FKTN: variants seen among roughly 807,000 people sequenced by gnomAD.
FKTN encodes ribitol-5-phosphate transferase FKTN.
Under a neutral mutation model 58.6 loss-of-function variants are expected in FKTN, and 47 were observed. That is an observed-to-expected ratio of 0.80 (90% CI 0.63 to 1.02). The LOEUF is 1.02. Among genes scored for constraint, FKTN ranks in the 50% least tolerant of loss-of-function variants. The pLI is 0.00. For missense variants in FKTN, 516 were observed against 537.3 expected, an observed-to-expected ratio of 0.96 and a Z score of 0.39; for synonymous variants, 178 against 191.9, an observed-to-expected ratio of 0.93 and a Z score of 0.60.
chr9:105,623,658 T>G (rs1832333926), intron 10 of FKTN, among the ~76,000 whole-genome samples: 1 of 152,138 alleles, frequency 6.6e-6, no homozygotes, highest in South Asian at 2.1e-4. Flanking sequence ...CCTGTGTAAT[T>G]TATCACTTCA....
At chr9:105,615,936 T>TA (rs1830728105) in intron 8 of FKTN, among the ~76,000 whole-genome samples, 1 of 152,216 alleles carries the variant, frequency 6.6e-6, no homozygotes, top group South Asian at 2.1e-4. Context: ...TTATTCTTCT[T>TA]ACGATGGTGT....
chr9:105,593,386 C>T (rs546556483), intron 3 of FKTN, among the ~76,000 whole-genome samples: 1 of 152,274 alleles, frequency 6.6e-6, no homozygotes, highest in East Asian at 1.9e-4. Flanking sequence ...GTACTGCCTC[C>T]AACACTGGGG....
chr9:105,587,126 TTGTATTAGGCAC>T (rs1249801061), intron 3 of FKTN, among the ~76,000 whole-genome samples: 1 of 152,110 alleles, frequency 6.6e-6, no homozygotes, highest in African/African-American at 2.4e-5. Flanking sequence ...TGAACTATGT[TTGTATTAGGCAC>T]TGAGTGATCC....
intron 3 of FKTN, among the ~76,000 whole-genome samples, chr9:105,584,840 A>G (rs1843629687): frequency 6.6e-6 from 1 of 151,816 alleles, no homozygotes; most frequent in African/African-American, 2.4e-5. Flanking sequence ...TTTTTAACAT[A>G]TGGAAATTAT....
chr9:105,635,155 C>A lies in FKTN; in HGVS notation c.1277C>A (p.Thr426Asn). The A allele has an allele frequency of 6.2e-7, 1 of 1,614,106 alleles. No individual in the cohort carries two copies. Among genetic ancestry groups the A allele is most frequent in the Non-Finnish European group, 8.5e-7 (1 of 1,179,976 alleles). ...LEYIEANYGK[T>N]WKIPVKTWDW... ...TACATTGAAGCCAACTATGGTAAGA[C>A]CTGGAAGATTCCTGTAAAGACGTGG... Residue 426 changes from threonine (T) to asparagine (N), a missense_variant, in exon 11 of 11, where the codon ACC (threonine) becomes AAC (asparagine). Thr to Asn is a moderately conservative substitution (Grantham distance 65, BLOSUM62 0). Transcript: ENST00000357998.
chr9:105,596,148 A>G (rs546776200), intron 3 of FKTN, among the ~76,000 whole-genome samples: 11 of 152,326 alleles, frequency 7.2e-5, no homozygotes, highest in Admixed American at 5.2e-4. Flanking sequence ...ATGAGTATAC[A>G]TAATTGATAT....
At chr9:105,560,246 A>G (rs1230592767) in intron 1 of FKTN, among the ~76,000 whole-genome samples, 2 of 152,216 alleles carry the variant, frequency 1.3e-5, no homozygotes, top group East Asian at 3.8e-4. Context: ...AGCCCTTAGC[A>G]TCTACATCAG....
At chr9:105,593,246 G>A (rs1052278530) in intron 3 of FKTN, among the ~76,000 whole-genome samples, 3 of 152,084 alleles carry the variant, frequency 2.0e-5, no homozygotes, top group African/African-American at 7.2e-5. Context: ...GAGGGAGGAG[G>A]TGCTACAGTC....
chr9:105,585,478 T>C (rs550557090), intron 3 of FKTN, among the ~76,000 whole-genome samples: 8 of 152,322 alleles, frequency 5.3e-5, no homozygotes, highest in African/African-American at 1.9e-4. Flanking sequence ...ATAGTTAGAC[T>C]AATTAGATGC....
At chr9:105,562,734 C>G (rs534566715) in intron 1 of FKTN, among the ~76,000 whole-genome samples, 1 of 152,286 alleles carries the variant, frequency 6.6e-6, no homozygotes, top group African/African-American at 2.4e-5. Context: ...TGACCAAGGA[C>G]AGATTGGAGG....
chr9:105,633,644 C>G (rs960861211), intron 10 of FKTN, among the ~76,000 whole-genome samples: 6 of 152,188 alleles, frequency 3.9e-5, no homozygotes, highest in African/African-American at 7.2e-5. Context: ...TGAGATTTTC[C>G]GTGGCCACCT....
chr9:105,599,058 T>A (rs1470533807), intron 4 of FKTN, among the ~76,000 whole-genome samples: 1 of 152,078 alleles, frequency 6.6e-6, no homozygotes, highest in African/African-American at 2.4e-5. Context: ...TTGTAAAACA[T>A]GTATCTCACA....
chr9:105,627,761 C>T (rs1832909911), intron 10 of FKTN, among the ~76,000 whole-genome samples: 1 of 151,738 alleles, frequency 6.6e-6, no homozygotes, highest in Non-Finnish European at 1.5e-5. Flanking sequence ...CTTTTTCTTT[C>T]CCTCTCTCAT....
At chr9:105,600,879 C>T (rs1302902586) in intron 4 of FKTN, 1 of 313,770 alleles carries the variant, frequency 3.2e-6, no homozygotes, top group Non-Finnish European at 6.0e-6. Flanking sequence ...GCTTACTGGT[C>T]TGTACTTTTA....
intron 10 of FKTN, among the ~76,000 whole-genome samples, chr9:105,626,196 T>A (rs1366726317): frequency 6.6e-6 from 1 of 152,212 alleles, no homozygotes; most frequent in African/African-American, 2.4e-5. Context: ...TAGTGAACAT[T>A]TCTGTACGTG....
intron 3 of FKTN, among the ~76,000 whole-genome samples, chr9:105,577,747 A>G (rs937592630): frequency 6.0e-5 from 9 of 150,868 alleles, no homozygotes; most frequent in African/African-American, 1.5e-4. Context: ...TGAATCTGTA[A>G]ATTACCTTGG....
Position 105,635,743 on chromosome 9 carries a change from A to G in FKTN, c.*479A>G, listed in dbSNP as rs1833984782. The G allele has an allele frequency of 9.8e-7, 1 of 1,015,462 alleles. No individual in the cohort carries two copies. 62.9% of individuals were successfully genotyped at this position (1,015,462 alleles called of 1,614,324 possible). On this transcript the variant is annotated 3_prime_UTR_variant, in exon 11 of 11. Coordinates refer to ENST00000357998, the MANE Select transcript of FKTN (RefSeq NM_001079802.2). ...TTTTAAGATTGTGGAGTCTGAGTTA[A>G]TATTCAAGTGATCAGACTTTGAGTG...
chr9:105,604,381 G>C lies in FKTN; in HGVS notation c.536G>C (p.Arg179Thr), dbSNP rs119463994. ...HAIHLVVFHE[R>T]SGNYLWHGHL... ...ATCCACTTGGTAGTCTTTCATGAGA[G>C]GAGTGGCAACTACCTCTGGCACGGC... The change falls in exon 6 of 11, where the codon AGG becomes ACG. Residue 179 changes from arginine to threonine, a missense_variant. Coordinates refer to ENST00000357998, the MANE Select transcript of FKTN (RefSeq NM_001079802.2). 6.2e-7 allele frequency: 1 copy of C among 1,613,974 alleles called. No homozygotes were observed. The highest frequency in any genetic ancestry group is 2.2e-5 in the East Asian group (1 of 44,864).
chr9:105,581,163 A>G (rs1842807522), intron 3 of FKTN, among the ~76,000 whole-genome samples: 1 of 149,572 alleles, frequency 6.7e-6, no homozygotes. Context: ...TTCTTCTCTC[A>G]GCTCGTCAAA....
Sources: gnomAD v4.1 joint callset for allele counts (sites outside exome capture counted in the v4.1 genomes callset) on GRCh38, gnomAD v4.1.1 for gene constraint, MANE v1.5 for transcripts, NCBI Gene and HGNC (gene_info 2026-07-23, HGNC 2026-07-21) for gene names.